Variants in NLE1 observed in about 807,000 individuals in gnomAD.
NLE1 encodes notchless protein homolog 1.
In NLE1, 37 loss-of-function variants were observed where a neutral mutation model predicts 62.8. That is an observed-to-expected ratio of 0.59 (90% CI 0.45 to 0.78). The LOEUF is 0.78. Ranked by LOEUF, NLE1 falls within the 30% of genes least tolerant of loss-of-function variation. The pLI, the probability that NLE1 is intolerant of heterozygous loss-of-function variation, is 0.00. For synonymous variants in NLE1, 243 were observed against 253.0 expected (o/e 0.96, Z 0.37); for missense variants, 555 against 637.9 (o/e 0.87, Z 1.40).
intron 3 of NLE1, 67 bp from the exon 4 acceptor site, chr17:35,139,381 T>G: frequency 1.6e-6 from 2 of 1,284,922 alleles, no homozygotes; most frequent in South Asian, 2.4e-5. Flanking sequence ...AATCACTTTC[T>G]GTGAATAGAA....
Position 35,130,738 on chromosome 17 carries a change from A to C in NLE1, c.*1699T>G. 4 of 318,356 alleles carry C rather than the reference A, an allele frequency of 1.3e-5. No individual in the cohort carries two copies. The highest frequency in any genetic ancestry group is 1.2e-5 in the Non-Finnish European group (2 of 169,986). 19.7% of individuals were successfully genotyped at this position (318,356 alleles called of 1,614,324 possible). On this transcript the variant is annotated 3_prime_UTR_variant, in exon 13 of 13. Transcript: ENST00000442241. ...GAACTGCAGGTCATCCAGCACCCTA[A>C]AGTCTGCTTTATGCTGCAGACAGCC... is the stretch of plus-strand genomic sequence containing the variant.
Position 35,141,940 on chromosome 17 carries a change from G to A in NLE1, c.162+39C>T, listed in dbSNP as rs377492684. On this transcript the variant is annotated intron_variant, in intron 2 of 12. Transcript: ENST00000442241. ...TATGATTCCCCCACCGCATCCGCCC[G>A]GGGGTGGAGATGCGAGGCCGCCCTG... 15 of 1,536,614 alleles carry A rather than the reference G, an allele frequency of 9.8e-6. No individual in the cohort carries two copies. In the East Asian group the frequency reaches 9.8e-5, roughly 10 times the overall value.
At position 35,129,923 on chromosome 17, in the gene NLE1, ACT is replaced by A. The variant is rs2091866264; in HGVS notation, c.*2512_*2513del. The stretch of plus-strand genomic sequence containing the variant: ...CCCTTCCAAAGCCATTGGTTTTTAG[ACT>A]CTGCAATTCAGTGCCCATGATTGTG... On this transcript the variant is annotated 3_prime_UTR_variant, in exon 13 of 13. Coordinates refer to ENST00000442241, the MANE Select transcript of NLE1 (RefSeq NM_018096.5). 4 of 1,387,102 alleles carry A rather than the reference ACT, an allele frequency of 2.9e-6. No homozygotes were observed. The highest frequency in any genetic ancestry group is 3.0e-5 in the Admixed American group (1 of 33,386). The allele number at this position is 1,387,102 out of a possible 1,614,324, so 85.9% of individuals were successfully genotyped here. A position where few individuals can be genotyped will look rare whatever the true frequency, so the allele number is the denominator to read the frequency against.
Position 35,137,619 on chromosome 17 carries a change from T to G in NLE1, c.559A>C (p.Thr187Pro), listed in dbSNP as rs1374612864. 6.2e-7 allele frequency: 1 copy of G among 1,610,642 alleles called. No individual in the cohort carries two copies. Among genetic ancestry groups the G allele is most frequent in the South Asian group, 1.1e-5 (1 of 91,038 alleles). The change falls in exon 6 of 13, where the codon ACA becomes CCA. Residue 187 changes from threonine to proline, a missense_variant. Thr to Pro is a conservative substitution (Grantham distance 38). Transcript: ENST00000442241. ...NGQILLWDPS[T>P]GKQVGRTLAG... The stretch of plus-strand genomic sequence containing the variant: ...AGGGTCCTGCCCACCTGCTTCCCTG[T>G]GCTTGGGTCCCAGAGGAGAATCTGA...
intron 2 of NLE1, among the ~76,000 whole-genome samples, chr17:35,140,703 G>C (rs2091938296): frequency 6.6e-6 from 1 of 151,934 alleles, no homozygotes; most frequent in Admixed American, 6.6e-5. Flanking sequence ...CAATTCTCCT[G>C]CTTCAGCCTC....
In NLE1 at chr17:35,131,765, T is replaced by C. The variant is rs915472150; in HGVS notation, c.*672A>G. 1 of 152,356 alleles carries C rather than the reference T, an allele frequency of 6.6e-6. No individual in the cohort carries two copies. The highest frequency in any genetic ancestry group is 1.5e-5 in the Non-Finnish European group (1 of 68,128). The allele number at this position is 152,356 out of a possible 1,614,324, so 9.4% of individuals were successfully genotyped here. ...TGATGATGAAAACCTTTCTGTGTGC[T>C]GTCCAATACTGGAGGCCTTACCCAG... On this transcript the variant is annotated 3_prime_UTR_variant, in exon 13 of 13. Transcript: ENST00000442241.
At chr17:35,140,883 C>A (rs959380815) in intron 2 of NLE1, among the ~76,000 whole-genome samples, 2 of 152,186 alleles carry the variant, frequency 1.3e-5, no homozygotes, top group African/African-American at 4.8e-5. Flanking sequence ...AGCCACTGCA[C>A]CCGGCCTGAA....
At chr17:35,135,484 G>A in intron 9 of NLE1, 33 bp from the exon 10 acceptor site, 2 of 1,605,446 alleles carry the variant, frequency 1.2e-6, no homozygotes, top group Non-Finnish European at 1.7e-6. Context: ...TGTGTTGGGT[G>A]TGGTCTCAGA....
intron 3 of NLE1, among the ~76,000 whole-genome samples, chr17:35,139,610 C>T (rs2091930173): frequency 6.6e-6 from 1 of 152,198 alleles, no homozygotes; most frequent in Admixed American, 6.5e-5. Flanking sequence ...ACAAGTCACA[C>T]AGCTCAGATC....
In NLE1 at chr17:35,133,456, C is replaced by G. The variant is rs745751342; in HGVS notation, c.1257G>C (p.Gln419His). Residue 419 changes from glutamine to histidine, a missense_variant, in exon 11 of 13, where the codon CAG (glutamine) becomes CAC (histidine). Physicochemically the swap from Gln to His is conservative, Grantham distance 24. Coordinates refer to ENST00000442241, the MANE Select transcript of NLE1 (RefSeq NM_018096.5). ...GCCGACTGTCAGCTGACCACGCAAT[C>G]TGGTACACGGCAGCCACGTGGCCGC... ...SLRGHVAAVY[Q>H]IAWSADSRLL... 6.2e-7 allele frequency: 1 copy of G among 1,613,996 alleles called. No homozygotes were observed. Among genetic ancestry groups the G allele is most frequent in the Non-Finnish European group, 8.5e-7 (1 of 1,179,998 alleles).
chr17:35,139,738 A>G, intron 3 of NLE1, 111 bp downstream of exon 3: 2 of 1,455,822 alleles, frequency 1.4e-6, no homozygotes, highest in Non-Finnish European at 1.8e-6. Flanking sequence ...GCTTGGGTCT[A>G]TGGTAGGCAG....
At chr17:35,137,483 G>A in intron 6 of NLE1, 60 bp downstream of exon 6, 2 of 1,389,716 alleles carry the variant, frequency 1.4e-6, no homozygotes, top group Non-Finnish European at 2.0e-6. Context: ...CATTGGGCAG[G>A]GAAAGGGGAT....
chr17:35,133,297 G>C lies in NLE1; in HGVS notation c.1374+42C>G, dbSNP rs547620077. The C allele has an allele frequency of 4.3e-6, 7 of 1,614,080 alleles. No individual in the cohort carries two copies. In the East Asian group the frequency reaches 6.7e-5, roughly 15 times the overall value. Reference sequence around the variant, plus strand: ...TGGTGAGAGGGAGACAGCCAGCCAGGCTCCAATCCCAGTCCCTCCTTTGCC... The same window carrying C: ...TGGTGAGAGGGAGACAGCCAGCCAGCCTCCAATCCCAGTCCCTCCTTTGCC... On this transcript the variant is annotated intron_variant, in intron 11 of 12. Transcript: ENST00000442241.
At chr17:35,140,193 C>T (rs544174414) in intron 2 of NLE1, 127 bp from the exon 3 acceptor site, 553 of 989,284 alleles carry the variant, frequency 5.6e-4, no homozygotes, top group Non-Finnish European at 4.4e-4. Context: ...CTAGGGATAC[C>T]CCCATCATTG....
At chr17:35,140,209 T>C in intron 2 of NLE1, 143 bp from the exon 3 acceptor site, 1 of 813,726 alleles carries the variant, frequency 1.2e-6, no homozygotes, top group South Asian at 1.9e-5. Flanking sequence ...CATTGCCCAT[T>C]GAGCAAGACC....
At chr17:35,134,206 T>A (rs866136935) in intron 10 of NLE1, among the ~76,000 whole-genome samples, 1 of 152,242 alleles carries the variant, frequency 6.6e-6, no homozygotes, top group East Asian at 1.9e-4. Flanking sequence ...AAGGTCTGAG[T>A]TGGGGCCAGG....
intron 2 of NLE1, 133 bp downstream of exon 2, chr17:35,141,846 T>C: frequency 2.0e-6 from 2 of 984,268 alleles, no homozygotes; most frequent in Non-Finnish European, 3.0e-6. Context: ...CTGACATAGG[T>C]GGGAGCTCAC....
chr17:35,136,622 T>C lies in NLE1; in HGVS notation c.829-125A>G, dbSNP rs1463995039. The C allele has an allele frequency of 3.2e-6, 4 of 1,231,458 alleles. No homozygotes were observed. In the African/African-American group the frequency reaches 6.0e-5, roughly 19 times the overall value. The allele number at this position is 1,231,458 out of a possible 1,614,324, so 76.3% of individuals were successfully genotyped here. On this transcript the variant is annotated intron_variant, in intron 7 of 12. Coordinates refer to ENST00000442241, the MANE Select transcript of NLE1 (RefSeq NM_018096.5). The stretch of plus-strand genomic sequence containing the variant: ...TCATGCATTGTGATCTTAATCAAAC[T>C]ACCCCTCTGGGGTCAAGTCTCTCCC...
chr17:35,133,303 AT>A (rs1385533289), intron 11 of NLE1, 35 bp downstream of exon 11: 4 of 1,614,170 alleles, frequency 2.5e-6, no homozygotes, highest in Non-Finnish European at 3.4e-6. Context: ...CCAGGCTCCA[AT>A]CCCAGTCCCT....
Sources: allele counts gnomAD v4.1 joint callset (sites outside exome capture counted in the v4.1 genomes callset), GRCh38; gene constraint gnomAD v4.1.1; transcripts MANE v1.5; gene names NCBI Gene and HGNC (gene_info 2026-07-23, HGNC 2026-07-21).